The following CALCRL variants were observed in gnomAD, a reference collection of about 807,000 sequenced individuals.
CALCRL encodes calcitonin receptor like receptor.
Under a neutral mutation model 60.4 loss-of-function variants are expected in CALCRL, and 27 were observed. The ratio of observed to expected loss-of-function variants is 0.45; its 90% CI spans 0.33 to 0.62. The LOEUF is 0.62. Among genes scored for constraint, CALCRL ranks in the 20% least tolerant of loss-of-function variants. The pLI, the probability that CALCRL is intolerant of heterozygous loss-of-function variation, is 0.03. For missense variants in CALCRL, 424 were observed against 540.7 expected, an observed-to-expected ratio of 0.78 and a Z score of 2.14; for synonymous variants, 190 against 182.6, an observed-to-expected ratio of 1.04 and a Z score of -0.33.
At chr2:187,392,427 T>C (rs548669231) in intron 1 of CALCRL, among the ~76,000 whole-genome samples, 62 of 152,234 alleles carry the variant, frequency 4.1e-4, no homozygotes, top group African/African-American at 1.2e-3. Context: ...ATGTCCTATA[T>C]ATTATATTAC....
At chr2:187,446,992 C>T (rs965444604) in intron 1 of CALCRL, among the ~76,000 whole-genome samples, 3 of 151,886 alleles carry the variant, frequency 2.0e-5, no homozygotes, top group Non-Finnish European at 4.4e-5. Flanking sequence ...TATCTATCAA[C>T]ATCATTTAAA....
intron 1 of CALCRL, among the ~76,000 whole-genome samples, chr2:187,444,955 G>C (rs1691104983): frequency 6.6e-6 from 1 of 151,378 alleles, no homozygotes; most frequent in Non-Finnish European, 1.5e-5. Context: ...CCACCTATTT[G>C]CATCATAATA....
intron 8 of CALCRL, among the ~76,000 whole-genome samples, chr2:187,376,626 C>CT (rs1407289917): frequency 6.6e-6 from 1 of 152,100 alleles, no homozygotes; most frequent in Non-Finnish European, 1.5e-5. Flanking sequence ...ATCTTAGACT[C>CT]TTTCACATGA....
At chr2:187,369,070 T>G (rs1374359139) in intron 8 of CALCRL, among the ~76,000 whole-genome samples, 1 of 152,078 alleles carries the variant, frequency 6.6e-6, no homozygotes, top group Non-Finnish European at 1.5e-5. Context: ...AGGTGCTCAA[T>G]GAAGGTCCTA....
intron 1 of CALCRL, among the ~76,000 whole-genome samples, chr2:187,435,788 GT>G (rs1690612319): frequency 6.6e-6 from 1 of 151,806 alleles, no homozygotes; most frequent in Non-Finnish European, 1.5e-5. Context: ...ATGATTTCAA[GT>G]TTATTATTAT....
intron 1 of CALCRL, among the ~76,000 whole-genome samples, chr2:187,438,547 T>C (rs868272465): frequency 3.9e-5 from 6 of 152,172 alleles, no homozygotes; most frequent in Middle Eastern, 3.2e-3. Context: ...AAGTTGTTTT[T>C]TTTTTCCTCC....
intron 1 of CALCRL, among the ~76,000 whole-genome samples, chr2:187,389,172 A>T (rs1688330182): frequency 6.6e-6 from 1 of 151,114 alleles, no homozygotes; most frequent in Non-Finnish European, 1.5e-5. Context: ...TTGCAGGTTC[A>T]AGAGATTTGC....
At chr2:187,363,586 CA>C in intron 8 of CALCRL, 84 bp from the exon 9 acceptor site, 1 of 1,304,136 alleles carries the variant, frequency 7.7e-7, no homozygotes, top group African/African-American at 1.5e-5. Flanking sequence ...ATTCCCAATT[CA>C]TAGCAGCTGA....
chr2:187,346,698 A>G (rs376143930), intron 14 of CALCRL, among the ~76,000 whole-genome samples: 3 of 151,652 alleles, frequency 2.0e-5, no homozygotes, highest in African/African-American at 7.3e-5. Context: ...ACAAATAGGT[A>G]ATCTGGACCC....
chr2:187,371,351 A>G (rs1203133623), intron 8 of CALCRL, among the ~76,000 whole-genome samples: 1 of 152,120 alleles, frequency 6.6e-6, no homozygotes. Flanking sequence ...CAATGAATAA[A>G]TGGACGTACC....
chr2:187,444,430 G>A (rs931734382), intron 1 of CALCRL, among the ~76,000 whole-genome samples: 3 of 151,470 alleles, frequency 2.0e-5, no homozygotes, highest in Non-Finnish European at 3.0e-5. Flanking sequence ...TGGAAAAGGT[G>A]TATAACACAT....
chr2:187,405,150 G>A (rs564341529), intron 1 of CALCRL, among the ~76,000 whole-genome samples: 1 of 152,118 alleles, frequency 6.6e-6, no homozygotes, highest in Admixed American at 6.6e-5. Flanking sequence ...ACAAGGACTA[G>A]GAAGTGATAA....
chr2:187,424,712 A>G (rs1298125765), intron 1 of CALCRL, among the ~76,000 whole-genome samples: 1 of 152,006 alleles, frequency 6.6e-6, no homozygotes, highest in Non-Finnish European at 1.5e-5. Flanking sequence ...GAAATGGCAG[A>G]TTTGAAACCG....
chr2:187,368,828 A>G (rs1363623905), intron 8 of CALCRL, among the ~76,000 whole-genome samples: 1 of 152,152 alleles, frequency 6.6e-6, no homozygotes, highest in Non-Finnish European at 1.5e-5. Flanking sequence ...CCAAAAGGAA[A>G]GCCCTGTCAA....
chr2:187,422,692 C>T (rs917808341), intron 1 of CALCRL, among the ~76,000 whole-genome samples: 1 of 151,834 alleles, frequency 6.6e-6, no homozygotes, highest in African/African-American at 2.4e-5. Flanking sequence ...CTAATCTTGT[C>T]TTTTAGAAAT....
At chr2:187,394,620 G>T (rs554396712) in intron 1 of CALCRL, among the ~76,000 whole-genome samples, 6 of 152,028 alleles carry the variant, frequency 3.9e-5, no homozygotes, top group African/African-American at 1.4e-4. Context: ...AGCTAGAAGT[G>T]TTTCTTCTAA....
At chr2:187,361,048 A>G (rs922669968) in intron 9 of CALCRL, among the ~76,000 whole-genome samples, 7 of 152,088 alleles carry the variant, frequency 4.6e-5, no homozygotes, top group Admixed American at 3.3e-4. Flanking sequence ...TTATGTAATT[A>G]TAAGTATAAA....
chr2:187,366,918 CCCCACACACACACACACACACACACACA>C (rs1687322252), intron 8 of CALCRL, among the ~76,000 whole-genome samples: 1 of 84,506 alleles, frequency 1.2e-5, no homozygotes, highest in Non-Finnish European at 2.7e-5. Context: ...GTGAGTATAA[CCCCACACACACACACACACACACACACA>C]CACACACACA....
At chr2:187,404,456 T>A (rs895719526) in intron 1 of CALCRL, among the ~76,000 whole-genome samples, 1 of 151,702 alleles carries the variant, frequency 6.6e-6, no homozygotes. Flanking sequence ...ATCTAAAAAA[T>A]TAATGATATG....
Sources: allele counts gnomAD v4.1 joint callset (sites outside exome capture counted in the v4.1 genomes callset), GRCh38; gene constraint gnomAD v4.1.1; transcripts MANE v1.5; gene names NCBI Gene and HGNC (gene_info 2026-07-23, HGNC 2026-07-21).